The following SORT1 variants were observed in gnomAD, a reference collection of about 807,000 sequenced individuals.
SORT1 encodes the protein sortilin.
SORT1 carries 39 observed loss-of-function variants against 101.7 expected under a neutral mutation model. The observed-to-expected ratio is 0.38, with a 90% CI of 0.30 to 0.50. The LOEUF is 0.50. SORT1 is among the 20% of genes least tolerant of loss of function. The probability of loss-of-function intolerance (pLI) is 0.90; values close to 1 mark genes in which losing one functional copy is unlikely to be tolerated. For missense variants in SORT1, 878 were observed against 1,040.4 expected (o/e 0.84, Z 2.15); for synonymous variants, 396 against 393.7 (o/e 1.01, Z -0.07).
At chr1:109,391,624 C>A (rs1420892841) in intron 1 of SORT1, among the ~76,000 whole-genome samples, 3 of 152,280 alleles carry the variant, frequency 2.0e-5, no homozygotes, top group Admixed American at 1.3e-4. Flanking sequence ...GGAAAAACAG[C>A]CTCCATCTTT....
In SORT1 at chr1:109,397,650, G is replaced by T. The variant is rs1653275237; in HGVS notation, c.243C>A (p.Gly81=). 1 of 1,236,492 alleles carries T rather than the reference G, an allele frequency of 8.1e-7. No individual in the cohort carries two copies. The allele number at this position is 1,236,492 out of a possible 1,614,324, so 76.6% of individuals were successfully genotyped here. The change falls in exon 1 of 20, where the codon GGC becomes GGA. Residue 81 remains glycine (G), a synonymous_variant. Coordinates refer to ENST00000256637, the MANE Select transcript of SORT1 (RefSeq NM_002959.7). ...GGACCCGGCCGCACTCCTCGTCCTC[G>T]CCCGGCGCGCTGCGACGCCAACGGC... is the stretch of plus-strand genomic sequence containing the variant. ...RGGRWRRSAP[G]EDEECGRVRD... is the part of the protein sequence containing the mutation.
intron 1 of SORT1, among the ~76,000 whole-genome samples, chr1:109,387,641 C>G (rs980139148): frequency 1.3e-5 from 2 of 152,208 alleles, no homozygotes; most frequent in African/African-American, 4.8e-5. Context: ...ATTTTCTTCT[C>G]TATCTCCCAT....
At position 109,336,514 on chromosome 1, in the gene SORT1, T is replaced by C. The variant is rs567995384; in HGVS notation, c.1265-168A>G. On this transcript the variant is annotated intron_variant, in intron 10 of 19. Transcript: ENST00000256637. Reference sequence around the variant, plus strand: ...GTTGGTAACGGAGCAGCACTTTAAATATGATATTTGAGGCCAGGTGCAGTG... The same window carrying C: ...GTTGGTAACGGAGCAGCACTTTAAACATGATATTTGAGGCCAGGTGCAGTG... Among the ~76,000 whole-genome samples, 8 of 152,252 alleles carry C rather than the reference T, an allele frequency of 5.3e-5. No homozygotes were observed. In the South Asian group the frequency reaches 1.7e-3, roughly 31 times the overall value.
At chr1:109,345,414 T>C (rs1304361309) in intron 8 of SORT1, among the ~76,000 whole-genome samples, 3 of 151,718 alleles carry the variant, frequency 2.0e-5, no homozygotes, top group South Asian at 2.1e-4. Flanking sequence ...ACTTGGGAGG[T>C]TGAGGCAGGT....
rs72646553 is a variant in SORT1 at position 109,397,881 on chromosome 1, G to C, written c.12C>G (p.Pro4=). 0.22 allele frequency: 257,543 copies of C among 1,197,608 alleles called. 28,214 individuals carry two copies. Among genetic ancestry groups the C allele is most frequent in the South Asian group, 0.24 (8,159 of 34,202 alleles). 74.2% of individuals were successfully genotyped at this position (1,197,608 alleles called of 1,614,324 possible). Residue 4 remains proline (P), a synonymous_variant, in exon 1 of 20, where the codon CCC becomes CCG. Transcript: ENST00000256637. MER[P]WGAADGLSRW... ...GCGAGAGGCCGTCCGCAGCTCCCCA[G>C]GGCCGCTCCATCGCCGCCGAATGCC...
intron 10 of SORT1, among the ~76,000 whole-genome samples, chr1:109,339,477 C>T (rs1433831345): frequency 3.3e-5 from 5 of 152,056 alleles, no homozygotes; most frequent in South Asian, 2.1e-4. Context: ...ACATGGCCAA[C>T]GAGCATATAA....
intron 10 of SORT1, among the ~76,000 whole-genome samples, chr1:109,337,718 C>CAAT (rs1226701262): frequency 6.6e-6 from 1 of 152,108 alleles, no homozygotes; most frequent in Non-Finnish European, 1.5e-5. Flanking sequence ...ACCTCTGCCT[C>CAAT]CCGGGTTCAA....
chr1:109,339,582 T>C (rs1423130977), intron 10 of SORT1, among the ~76,000 whole-genome samples: 3 of 152,168 alleles, frequency 2.0e-5, no homozygotes, highest in Non-Finnish European at 4.4e-5. Flanking sequence ...GTTACAAAAA[T>C]AGGAGAATAT....
At chr1:109,373,175 G>A (rs72981190) in intron 1 of SORT1, among the ~76,000 whole-genome samples, 2,775 of 152,302 alleles carry the variant, frequency 0.018, 91 homozygotes, top group African/African-American at 0.064. Flanking sequence ...AACTGAACAA[G>A]GAGGACCCTA....
chr1:109,341,028 A>C, intron 9 of SORT1, 149 bp from the exon 10 acceptor site: 1 of 620,926 alleles, frequency 1.6e-6, no homozygotes, highest in Non-Finnish European at 2.7e-6. Flanking sequence ...AGAATTAATC[A>C]AGGTTTGATA....
At chr1:109,324,372 G>A (rs1570894863) in intron 14 of SORT1, among the ~76,000 whole-genome samples, 1 of 152,024 alleles carries the variant, frequency 6.6e-6, no homozygotes, top group Admixed American at 6.6e-5. Context: ...TCCTGACCTC[G>A]TGATCTGCCT....
Position 109,310,694 on chromosome 1 carries a change from T to C in SORT1, c.*3349A>G, listed in dbSNP as rs565191030. 1.9e-4 allele frequency: 29 copies of C among 152,794 alleles called. No individual in the cohort carries two copies. Among genetic ancestry groups the C allele is most frequent in the African/African-American group, 6.7e-4 (28 of 41,562 alleles). 9.5% of individuals were successfully genotyped at this position (152,794 alleles called of 1,614,324 possible). On this transcript the variant is annotated 3_prime_UTR_variant, in exon 20 of 20. Transcript: ENST00000256637. ...TCATTGTGGACAGGCACGGAGCTCT[T>C]GAGAGCACTGCTCAAAGGAAAGAGG...
chr1:109,312,449 T>C lies in SORT1; in HGVS notation c.*1594A>G, dbSNP rs2101513812. The C allele has an allele frequency of 6.6e-6, 1 of 152,470 alleles. No homozygotes were observed. Among genetic ancestry groups the C allele is most frequent in the Middle Eastern group, 3.4e-3 (1 of 294 alleles). 9.4% of individuals were successfully genotyped at this position (152,470 alleles called of 1,614,324 possible). A position where few individuals can be genotyped will look rare whatever the true frequency, so the allele number is the denominator to read the frequency against. On this transcript the variant is annotated 3_prime_UTR_variant, in exon 20 of 20. Transcript: ENST00000256637. ...ACTTTCCACGCAGCTGTTAATCCAT[T>C]CTGGGGAGGAGAGAACTTAGCCATC...
At chr1:109,350,134 T>C (rs986960250) in intron 6 of SORT1, among the ~76,000 whole-genome samples, 1 of 152,230 alleles carries the variant, frequency 6.6e-6, no homozygotes, top group African/African-American at 2.4e-5. Context: ...ATCCTACCTC[T>C]GTAACCAATC....
At chr1:109,334,349 TCAGC>T (rs1260462400) in intron 11 of SORT1, among the ~76,000 whole-genome samples, 2 of 152,134 alleles carry the variant, frequency 1.3e-5, no homozygotes, top group Admixed American at 1.3e-4. Flanking sequence ...GGAATATTAT[TCAGC>T]CTTAAAAAAG....
intron 1 of SORT1, 70 bp downstream of exon 1, chr1:109,397,517 G>T: frequency 4.0e-6 from 4 of 996,786 alleles, no homozygotes; most frequent in South Asian, 4.1e-5. Context: ...GTCGCGGGGC[G>T]CACGGGCCGG....
chr1:109,371,143 T>G (rs1461114822), intron 1 of SORT1, among the ~76,000 whole-genome samples: 1 of 152,220 alleles, frequency 6.6e-6, no homozygotes, highest in Non-Finnish European at 1.5e-5. Flanking sequence ...TAAATAATGG[T>G]TAACTCTCAA....
At chr1:109,352,665 T>G (rs1287036804) in intron 5 of SORT1, among the ~76,000 whole-genome samples, 4 of 152,240 alleles carry the variant, frequency 2.6e-5, no homozygotes, top group Non-Finnish European at 5.9e-5. Context: ...ATTTCTAATT[T>G]ACCTAATTCT....
At chr1:109,328,759 T>C (rs1036400292) in intron 11 of SORT1, among the ~76,000 whole-genome samples, 7 of 152,234 alleles carry the variant, frequency 4.6e-5, no homozygotes, top group African/African-American at 9.6e-5. Flanking sequence ...AAGCACCTGA[T>C]ATACTTCAGA....
Sources: gnomAD v4.1 joint callset for allele counts (sites outside exome capture counted in the v4.1 genomes callset) on GRCh38, gnomAD v4.1.1 for gene constraint, MANE v1.5 for transcripts, NCBI Gene and HGNC (gene_info 2026-07-23, HGNC 2026-07-21) for gene names.